Variants in GRAP2 observed in about 807,000 individuals in gnomAD.
GRAP2 encodes GRB2-related adapter protein 2.
GRAP2 carries 31 observed loss-of-function variants against 43.5 expected under a neutral mutation model. That is an observed-to-expected ratio of 0.71 (90% CI 0.54 to 0.96). The LOEUF (loss-of-function observed/expected upper bound fraction) is 0.96, where lower values mean the gene tolerates loss of function less well. GRAP2 is among the 40% of genes least tolerant of loss of function. GRAP2 has a pLI of 0.00. For missense variants in GRAP2, 371 were observed against 424.4 expected (o/e 0.87, Z 1.11); for synonymous variants, 156 against 164.8 (o/e 0.95, Z 0.41).
chr22:39,928,990 T>C (rs2145601706), intron 1 of GRAP2, among the ~76,000 whole-genome samples: 1 of 152,340 alleles, frequency 6.6e-6, no homozygotes, highest in Non-Finnish European at 1.5e-5. Flanking sequence ...TTGATGCATG[T>C]CATTTAGTTA....
chr22:39,959,539 C>A (rs1157507975), intron 3 of GRAP2, among the ~76,000 whole-genome samples: 2 of 152,266 alleles, frequency 1.3e-5, no homozygotes, highest in East Asian at 1.9e-4. Flanking sequence ...AACGTGACGC[C>A]CTGGGCTGTA....
chr22:39,923,321 G>A (rs2066670216), intron 1 of GRAP2, among the ~76,000 whole-genome samples: 1 of 152,204 alleles, frequency 6.6e-6, no homozygotes, highest in African/African-American at 2.4e-5. Context: ...AGCAATATGT[G>A]TGTATTTCTT....
chr22:39,917,624 G>A (rs2145583940), intron 1 of GRAP2, among the ~76,000 whole-genome samples: 1 of 152,242 alleles, frequency 6.6e-6, no homozygotes, highest in South Asian at 2.1e-4. Context: ...ATTACTTCAA[G>A]TATGTTTGGA....
At chr22:39,925,630 T>C (rs1364489716) in intron 1 of GRAP2, among the ~76,000 whole-genome samples, 1 of 152,230 alleles carries the variant, frequency 6.6e-6, no homozygotes, top group Non-Finnish European at 1.5e-5. Flanking sequence ...GCAGTGCTTC[T>C]GAGGCCAGTC....
At chr22:39,903,516 C>T (rs1244105513) in intron 1 of GRAP2, among the ~76,000 whole-genome samples, 2 of 133,336 alleles carry the variant, frequency 1.5e-5, no homozygotes, top group Non-Finnish European at 3.1e-5. Flanking sequence ...CTCACTCTGT[C>T]ACTCAGGCTG....
chr22:39,959,987 TCTC>T (rs1258933740), intron 3 of GRAP2, 65 bp from the exon 4 acceptor site: 1 of 1,504,020 alleles, frequency 6.6e-7, no homozygotes, highest in Non-Finnish European at 9.2e-7. Flanking sequence ...GGTCACCTCT[TCTC>T]CACGTCTCCC....
chr22:39,949,866 G>A (rs1306334487), intron 2 of GRAP2, among the ~76,000 whole-genome samples: 1 of 152,150 alleles, frequency 6.6e-6, no homozygotes, highest in Non-Finnish European at 1.5e-5. Context: ...ATTACCTCTT[G>A]TCTTTTTCCT....
intron 6 of GRAP2, 168 bp downstream of exon 6, chr22:39,968,440 T>G: frequency 1.6e-6 from 1 of 641,508 alleles, no homozygotes; most frequent in Non-Finnish European, 2.7e-6. Context: ...TCTCTATGAA[T>G]TAAATGGCTC....
intron 1 of GRAP2, among the ~76,000 whole-genome samples, chr22:39,927,825 CCTT>C (rs904895256): frequency 2.6e-5 from 4 of 152,242 alleles, no homozygotes; most frequent in African/African-American, 9.6e-5. Flanking sequence ...GGGACCCTGT[CCTT>C]CTGTCTCCTT....
At chr22:39,930,840 C>T (rs1355641517) in intron 1 of GRAP2, among the ~76,000 whole-genome samples, 1 of 152,188 alleles carries the variant, frequency 6.6e-6, no homozygotes, top group Non-Finnish European at 1.5e-5. Context: ...ACACCATTCT[C>T]TCTGTGTGTC....
intron 1 of GRAP2, among the ~76,000 whole-genome samples, chr22:39,925,408 G>A (rs2066688656): frequency 6.6e-6 from 1 of 152,118 alleles, no homozygotes; most frequent in Non-Finnish European, 1.5e-5. Flanking sequence ...TGTGCTGCTT[G>A]GAACCAGCCT....
Position 39,920,862 on chromosome 22 carries a change from T to C in GRAP2, c.-15+19532T>C, listed in dbSNP as rs555981554. 3.3e-5 allele frequency among the ~76,000 whole-genome samples: 5 copies of C among 151,600 alleles called. No homozygotes were observed. In the South Asian group the frequency reaches 1.0e-3, roughly 32 times the overall value. On this transcript the variant is annotated intron_variant, in intron 1 of 7. Coordinates refer to ENST00000344138, the MANE Select transcript of GRAP2 (RefSeq NM_004810.4). ...AAAAAAAAGTCAAAACGACTTACTG[T>C]CTCATTAGCAGGACAAGACCTGATA...
At chr22:39,941,513 C>T (rs1444412967) in intron 1 of GRAP2, among the ~76,000 whole-genome samples, 1 of 152,110 alleles carries the variant, frequency 6.6e-6, no homozygotes, top group Admixed American at 6.5e-5. Context: ...CAAACTACAG[C>T]CAGTGGGCCA....
chr22:39,967,242 C>A (rs2067183972), intron 5 of GRAP2, among the ~76,000 whole-genome samples: 1 of 152,106 alleles, frequency 6.6e-6, no homozygotes, highest in Non-Finnish European at 1.5e-5. Context: ...AAAGAAGTTA[C>A]CACCAAATGC....
chr22:39,948,848 C>T (rs2066952009), intron 2 of GRAP2, among the ~76,000 whole-genome samples: 1 of 152,184 alleles, frequency 6.6e-6, no homozygotes, highest in Non-Finnish European at 1.5e-5. Flanking sequence ...CTTCTCCTCC[C>T]TTCCTGACCA....
At chr22:39,928,901 C>G (rs2066729991) in intron 1 of GRAP2, among the ~76,000 whole-genome samples, 1 of 152,198 alleles carries the variant, frequency 6.6e-6, no homozygotes, top group South Asian at 2.1e-4. Context: ...GGTCTAACCA[C>G]ATAACGTTGG....
intron 3 of GRAP2, among the ~76,000 whole-genome samples, chr22:39,958,998 C>G (rs1223566303): frequency 6.6e-6 from 1 of 152,242 alleles, no homozygotes; most frequent in African/African-American, 2.4e-5. Context: ...CTAGAAAGCA[C>G]AGAGAATTGC....
chr22:39,930,617 C>T (rs1405561181), intron 1 of GRAP2, among the ~76,000 whole-genome samples: 2 of 152,220 alleles, frequency 1.3e-5, no homozygotes, highest in Non-Finnish European at 2.9e-5. Flanking sequence ...TCGGTTCACC[C>T]TGCCCTCCAT....
chr22:39,926,484 G>GAA (rs918651851), intron 1 of GRAP2: 1,950 of 239,290 alleles, frequency 8.1e-3, no homozygotes, highest in Middle Eastern at 0.013. Flanking sequence ...CCCAACAAAA[G>GAA]AAAAAAAAAA....
Sources: gnomAD v4.1 joint callset for allele counts (sites outside exome capture counted in the v4.1 genomes callset) on GRCh38, gnomAD v4.1.1 for gene constraint, MANE v1.5 for transcripts, NCBI Gene and HGNC (gene_info 2026-07-23, HGNC 2026-07-21) for gene names.